Variants in ADAMTSL1 observed in about 807,000 individuals in gnomAD.
ADAMTSL1 encodes the protein ADAMTS-like protein 1.
In ADAMTSL1, 126 loss-of-function variants were observed where a neutral mutation model predicts 201.8. The ratio of observed to expected loss-of-function variants is 0.62; its 90% CI spans 0.54 to 0.72. The LOEUF (loss-of-function observed/expected upper bound fraction) is 0.72, where lower values mean the gene tolerates loss of function less well. ADAMTSL1 is among the 30% of genes least tolerant of loss of function. ADAMTSL1 has a pLI of 0.00. For synonymous variants in ADAMTSL1, 1,121 were observed against 903.4 expected, an observed-to-expected ratio of 1.24 and a Z score of -4.32; for missense variants, 2,679 against 2,277.8, an observed-to-expected ratio of 1.18 and a Z score of -3.59.
chr9:18,622,532 G>T, intron 5 of ADAMTSL1, 163 bp downstream of exon 5: 1 of 1,094,926 alleles, frequency 9.1e-7, no homozygotes, highest in South Asian at 1.6e-5. Context: ...TAGCTTAGGT[G>T]GGACAAGTCA....
intron 2 of ADAMTSL1, among the ~76,000 whole-genome samples, chr9:18,349,269 CA>C (rs1835857462): frequency 6.6e-6 from 1 of 152,276 alleles, no homozygotes; most frequent in Admixed American, 6.5e-5. Flanking sequence ...ACAATGAGGG[CA>C]TGTTGCAAAG....
chr9:18,254,674 C>T (rs1235665960), intron 2 of ADAMTSL1, among the ~76,000 whole-genome samples: 1 of 138,498 alleles, frequency 7.2e-6, no homozygotes, highest in Non-Finnish European at 1.6e-5. Flanking sequence ...CCCGCCCCCC[C>T]CAGTACTCTT....
At chr9:18,484,150 C>A (rs543912198) in intron 1 of ADAMTSL1, among the ~76,000 whole-genome samples, 1 of 152,200 alleles carries the variant, frequency 6.6e-6, no homozygotes, top group Non-Finnish European at 1.5e-5. Context: ...GTGCTAGGTA[C>A]TGGCTATGCT....
At chr9:18,706,123 G>A (rs1202613277) in intron 13 of ADAMTSL1, among the ~76,000 whole-genome samples, 1 of 152,148 alleles carries the variant, frequency 6.6e-6, no homozygotes, top group Non-Finnish European at 1.5e-5. Flanking sequence ...CTAAACTAGG[G>A]GTAGATTATT....
At chr9:18,497,852 C>T (rs1389011275) in intron 1 of ADAMTSL1, among the ~76,000 whole-genome samples, 2 of 152,136 alleles carry the variant, frequency 1.3e-5, no homozygotes, top group African/African-American at 2.4e-5. Flanking sequence ...CAGGCTTGAC[C>T]TTGGATAGAA....
intron 26 of ADAMTSL1, among the ~76,000 whole-genome samples, chr9:18,894,857 C>G (rs181199089): frequency 6.6e-6 from 1 of 151,976 alleles, no homozygotes; most frequent in Non-Finnish European, 1.5e-5. Context: ...AGGACAGAAC[C>G]CTGAGGAACA....
chr9:18,795,318 T>C (rs1181887004), intron 19 of ADAMTSL1, 79 bp from the exon 20 acceptor site: 1 of 1,583,218 alleles, frequency 6.3e-7, no homozygotes, highest in Non-Finnish European at 8.6e-7. Context: ...CTGAGGTTCC[T>C]TCCTGCCTTA....
intron 2 of ADAMTSL1, among the ~76,000 whole-genome samples, chr9:18,275,545 C>T (rs112073143): frequency 6.6e-6 from 1 of 152,134 alleles, no homozygotes; most frequent in Non-Finnish European, 1.5e-5. Flanking sequence ...TAGGCAACTA[C>T]TGATCTGGTT....
chr9:18,271,644 A>C (rs1044557749), intron 2 of ADAMTSL1, among the ~76,000 whole-genome samples: 7 of 152,170 alleles, frequency 4.6e-5, no homozygotes, highest in Admixed American at 2.0e-4. Flanking sequence ...ATACATGTGC[A>C]TGTGTGTTTA....
chr9:18,126,311 C>T (rs62549867), intron 1 of ADAMTSL1, among the ~76,000 whole-genome samples: 183 of 152,298 alleles, frequency 1.2e-3, no homozygotes, highest in Non-Finnish European at 1.9e-3. Context: ...CTCACAAATT[C>T]CTTCTTACCA....
chr9:18,173,068 GATA>G (rs1827976637), intron 2 of ADAMTSL1, among the ~76,000 whole-genome samples: 1 of 152,046 alleles, frequency 6.6e-6, no homozygotes, highest in Non-Finnish European at 1.5e-5. Context: ...TTTTAAAAAT[GATA>G]ATATAAAATG....
intron 10 of ADAMTSL1, among the ~76,000 whole-genome samples, chr9:18,676,669 G>A (rs1830149559): frequency 6.6e-6 from 1 of 152,058 alleles, no homozygotes; most frequent in Non-Finnish European, 1.5e-5. Flanking sequence ...AATTGGGATT[G>A]AAGTAGACCT....
chr9:18,797,859 T>A (rs10811035), intron 20 of ADAMTSL1, among the ~76,000 whole-genome samples: 44,174 of 152,072 alleles, frequency 0.29, 6,943 homozygotes, highest in South Asian at 0.35. Flanking sequence ...TTTCTCTAGC[T>A]CTTCTAGAGT....
chr9:18,495,743 TCTC>T (rs1392983898), intron 1 of ADAMTSL1, among the ~76,000 whole-genome samples: 1 of 152,150 alleles, frequency 6.6e-6, no homozygotes, highest in African/African-American at 2.4e-5. Flanking sequence ...ATGGACTTCA[TCTC>T]CTAGTGTGTG....
intron 2 of ADAMTSL1, among the ~76,000 whole-genome samples, chr9:18,288,047 GGTGGCACTGGCT>G (rs1563860595): frequency 6.6e-6 from 1 of 152,148 alleles, no homozygotes; most frequent in African/African-American, 2.4e-5. Context: ...GAGCCTGAGC[GGTGGCACTGGCT>G]GTGGGGAGTG....
chr9:18,244,087 T>TTG lies in ADAMTSL1; in HGVS notation c.207+80128_207+80129dup, dbSNP rs5896777. Among the ~76,000 whole-genome samples the TTG allele has an allele frequency of 4.5e-3, 676 of 149,780 alleles. 4 individuals are homozygous for TTG. The highest frequency in any genetic ancestry group is 0.012 in the African/African-American group (501 of 40,764). On this transcript the variant is annotated intron_variant, in intron 2 of 29. Coordinates refer to the ADAMTSL1 transcript ENST00000680146. ...CTAAATGAAATAGAGAGAAATGATT[T>TTG]TGTGTGTGTGTGTGTGTGTGTGTAC... is the stretch of plus-strand genomic sequence containing the variant.
intron 3 of ADAMTSL1, among the ~76,000 whole-genome samples, chr9:18,558,857 TG>T (rs1241070639): frequency 3.3e-5 from 5 of 152,320 alleles, no homozygotes; most frequent in East Asian, 1.9e-4. Context: ...TTGATAGGGT[TG>T]TTTTTTTCTG....
At chr9:18,701,738 A>T (rs139109313) in intron 13 of ADAMTSL1, among the ~76,000 whole-genome samples, 1 of 152,180 alleles carries the variant, frequency 6.6e-6, no homozygotes, top group African/African-American at 2.4e-5. Context: ...TTCAATTTGC[A>T]TTTTTAAATT....
intron 1 of ADAMTSL1, among the ~76,000 whole-genome samples, chr9:17,927,306 A>G (rs977199634): frequency 2.0e-5 from 3 of 152,222 alleles, no homozygotes; most frequent in South Asian, 2.1e-4. Flanking sequence ...ATGTACACAT[A>G]CATGTATACA....
Sources: allele counts gnomAD v4.1 joint callset (sites outside exome capture counted in the v4.1 genomes callset), GRCh38; gene constraint gnomAD v4.1.1; transcripts MANE v1.5; gene names NCBI Gene and HGNC (gene_info 2026-07-23, HGNC 2026-07-21).